DAB1: variants seen among roughly 807,000 people sequenced by gnomAD.
DAB1 encodes disabled homolog 1.
A neutral mutation model predicts 64.6 loss-of-function variants in DAB1; 15 were observed. The observed-to-expected ratio is 0.23, with a 90% CI of 0.16 to 0.36. DAB1 has a LOEUF of 0.36. DAB1 is among the 10% of genes least tolerant of loss of function. DAB1 has a pLI of 1.00. For synonymous variants in DAB1, 235 were observed against 251.9 expected (o/e 0.93, Z 0.64); for missense variants, 596 against 706.7 (o/e 0.84, Z 1.78).
intron 6 of DAB1, among the ~76,000 whole-genome samples, chr1:57,766,689 T>C (rs1649327220): frequency 6.9e-6 from 1 of 144,154 alleles, no homozygotes; most frequent in East Asian, 1.9e-4. Flanking sequence ...GTCCTACAAT[T>C]TAGTTTGACT....
intron 2 of DAB1, among the ~76,000 whole-genome samples, chr1:57,280,359 G>C (rs1671790030): frequency 6.6e-6 from 1 of 152,122 alleles, no homozygotes; most frequent in African/African-American, 2.4e-5. Context: ...CATCCTAGAA[G>C]GTGTGTTGCA....
At chr1:57,366,776 A>T (rs1680032358) in intron 1 of DAB1, among the ~76,000 whole-genome samples, 1 of 152,134 alleles carries the variant, frequency 6.6e-6, no homozygotes, top group South Asian at 2.1e-4. Flanking sequence ...CAACTTGCCT[A>T]ATGTCACACA....
At chr1:57,230,708 T>C (rs1001510403) in intron 2 of DAB1, among the ~76,000 whole-genome samples, 1 of 152,152 alleles carries the variant, frequency 6.6e-6, no homozygotes, top group Non-Finnish European at 1.5e-5. Context: ...AATGATCAAA[T>C]CAGGGAAACT....
chr1:57,153,882 A>G (rs1227005571), intron 2 of DAB1, among the ~76,000 whole-genome samples: 4 of 151,660 alleles, frequency 2.6e-5, no homozygotes, highest in Non-Finnish European at 4.4e-5. Context: ...CTTGTGATCC[A>G]CCTGCCTCGG....
At chr1:58,489,595 T>C (rs2100370467) in intron 3 of DAB1, among the ~76,000 whole-genome samples, 1 of 152,332 alleles carries the variant, frequency 6.6e-6, no homozygotes, top group Non-Finnish European at 1.5e-5. Flanking sequence ...AAGAGAGTAG[T>C]GGTTCTCCCA....
intron 4 of DAB1, among the ~76,000 whole-genome samples, chr1:58,187,909 A>ATT (rs377672670): frequency 7.6e-5 from 9 of 118,152 alleles, no homozygotes; most frequent in African/African-American, 1.9e-4. Flanking sequence ...TGAGATAAGA[A>ATT]TTTTTTTTTT....
chr1:58,352,991 C>T (rs1187439910), intron 3 of DAB1, among the ~76,000 whole-genome samples: 2 of 152,068 alleles, frequency 1.3e-5, no homozygotes, highest in African/African-American at 4.8e-5. Flanking sequence ...TGTTTATAAG[C>T]CACCTAGTTT....
chr1:58,160,486 T>C (rs1185946054), intron 4 of DAB1, among the ~76,000 whole-genome samples: 1 of 152,106 alleles, frequency 6.6e-6, no homozygotes, highest in Non-Finnish European at 1.5e-5. Flanking sequence ...GAAACTGATA[T>C]TCAAAAGGCA....
chr1:57,262,080 G>A (rs1055967448), intron 2 of DAB1, among the ~76,000 whole-genome samples: 1 of 152,164 alleles, frequency 6.6e-6, no homozygotes. Flanking sequence ...GGTCAACAGG[G>A]GAAACAATTC....
chr1:58,145,733 T>C (rs1654552936), intron 5 of DAB1, among the ~76,000 whole-genome samples: 1 of 152,218 alleles, frequency 6.6e-6, no homozygotes, highest in African/African-American at 2.4e-5. Flanking sequence ...GAAAGTCAAC[T>C]GTACCTACTA....
chr1:57,180,864 T>C (rs977712918), intron 2 of DAB1, among the ~76,000 whole-genome samples: 20 of 152,226 alleles, frequency 1.3e-4, no homozygotes, highest in African/African-American at 4.6e-4. Flanking sequence ...CAGTCTCCTG[T>C]AGAAGAAGTA....
intron 4 of DAB1, among the ~76,000 whole-genome samples, chr1:57,135,998 A>C (rs1658045640): frequency 6.6e-6 from 1 of 152,200 alleles, no homozygotes; most frequent in Non-Finnish European, 1.5e-5. Context: ...TGCAGCTGTA[A>C]GGTTGATGAA....
At position 57,345,737 on chromosome 1, in the gene DAB1, G is replaced by A. The variant is rs185553150; in HGVS notation, c.-136-54571C>T. On this transcript the variant is annotated intron_variant, in intron 1 of 14. Transcript: ENST00000371236. ...ATAACATCTAAAATCTGATTAAAAT[G>A]TACCACCATTTATGAGCTGTGATGG... Among the ~76,000 whole-genome samples the A allele has an allele frequency of 5.4e-4, 82 of 152,302 alleles. No individual in the cohort carries two copies. In the East Asian group the frequency reaches 0.012, roughly 22 times the overall value.
chr1:57,952,640 A>G (rs1464703803), intron 5 of DAB1, among the ~76,000 whole-genome samples: 2 of 152,202 alleles, frequency 1.3e-5, no homozygotes, highest in Non-Finnish European at 2.9e-5. Flanking sequence ...TTCTGAGAAG[A>G]GAGCAAAGCA....
chr1:58,371,371 G>A (rs945387220), intron 3 of DAB1, among the ~76,000 whole-genome samples: 1 of 152,228 alleles, frequency 6.6e-6, no homozygotes, highest in South Asian at 2.1e-4. Context: ...CATTCAAGAT[G>A]TGGCCTGGGT....
intron 7 of DAB1, among the ~76,000 whole-genome samples, chr1:57,435,912 CTTTCTTTTTTTTTT>C (rs1685678422): frequency 7.2e-6 from 1 of 138,554 alleles, no homozygotes; most frequent in African/African-American, 2.7e-5. Context: ...CTTTTTTTTT[CTTTCTTTTTTTTTT>C]TTTTTTTTGA....
intron 7 of DAB1, among the ~76,000 whole-genome samples, chr1:57,555,345 CT>C (rs1439598416): frequency 4.0e-5 from 6 of 148,656 alleles, no homozygotes. Flanking sequence ...TATCTTTTTT[CT>C]TTTTCATTTT....
intron 3 of DAB1, among the ~76,000 whole-genome samples, chr1:58,381,983 G>GA (rs1263707026): frequency 6.6e-6 from 1 of 152,116 alleles, no homozygotes; most frequent in Non-Finnish European, 1.5e-5. Context: ...CATGAAAGAA[G>GA]AAACAGTAGA....
chr1:57,416,252 T>C (rs2101073206), intron 1 of DAB1, among the ~76,000 whole-genome samples: 1 of 152,324 alleles, frequency 6.6e-6, no homozygotes, highest in Non-Finnish European at 1.5e-5. Context: ...GTAAATTTTT[T>C]CAAGATGTCC....
Sources: gnomAD v4.1 joint callset for allele counts (sites outside exome capture counted in the v4.1 genomes callset) on GRCh38, gnomAD v4.1.1 for gene constraint, MANE v1.5 for transcripts, NCBI Gene and HGNC (gene_info 2026-07-23, HGNC 2026-07-21) for gene names.